MGAT4C: variants seen among roughly 807,000 people sequenced by gnomAD.
The protein encoded by MGAT4C is alpha-1,3-mannosyl-glycoprotein 4-beta-N-acetylglucosaminyltransferase C.
In MGAT4C, 19 loss-of-function variants were observed where a neutral mutation model predicts 40.1. The observed-to-expected ratio is 0.47, with a 90% confidence interval of 0.33 to 0.70. The LOEUF is 0.70. MGAT4C is among the 30% of genes least tolerant of loss of function. The pLI is 0.02. For synonymous variants in MGAT4C, 181 were observed against 187.1 expected (o/e 0.97, Z 0.27); for missense variants, 491 against 563.2 (o/e 0.87, Z 1.30).
chr12:86,457,593 A>G (rs1373891619), intron 2 of MGAT4C, among the ~76,000 whole-genome samples: 1 of 152,092 alleles, frequency 6.6e-6, no homozygotes, highest in African/African-American at 2.4e-5. Flanking sequence ...TCATGTGGGA[A>G]GTTATTTTCA....
chr12:86,210,137 T>G (rs917633495), intron 1 of MGAT4C, among the ~76,000 whole-genome samples: 1 of 152,192 alleles, frequency 6.6e-6, no homozygotes, highest in Non-Finnish European at 1.5e-5. Flanking sequence ...AACATGCTTT[T>G]TGAATCGTGG....
intron 4 of MGAT4C, among the ~76,000 whole-genome samples, chr12:86,274,363 A>C (rs917443193): frequency 6.6e-6 from 1 of 152,244 alleles, no homozygotes; most frequent in Non-Finnish European, 1.5e-5. Context: ...TAAAAAGTGG[A>C]TATCATCTAA....
rs1882785172 is a variant in MGAT4C, at chr12:85,956,232, T to G, written c.*23057A>C. 6.6e-6 allele frequency: 1 copy of G among 152,232 alleles called. No homozygotes were observed. Among genetic ancestry groups the G allele is most frequent in the Admixed American group, 6.5e-5 (1 of 15,282 alleles). The allele number at this position is 152,232 out of a possible 1,614,324, so 9.4% of individuals were successfully genotyped here. A position where few individuals can be genotyped will look rare whatever the true frequency, so the allele number is the denominator to read the frequency against. On this transcript the variant is annotated 3_prime_UTR_variant, in exon 5 of 5. Transcript: ENST00000611864. ...TTTTCCTGAAAACCCTGTCTTTTACTATGCAAACATGCAAGCATCAGATTT... is the reference window on the plus strand; with the variant it reads ...TTTTCCTGAAAACCCTGTCTTTTACGATGCAAACATGCAAGCATCAGATTT...
chr12:86,516,984 C>T (rs1404647517), intron 2 of MGAT4C, among the ~76,000 whole-genome samples: 4 of 152,020 alleles, frequency 2.6e-5, no homozygotes, highest in East Asian at 1.9e-4. Flanking sequence ...ACAAATCAAA[C>T]CACAATGAGA....
chr12:86,451,482 A>G (rs1957424505), intron 2 of MGAT4C, among the ~76,000 whole-genome samples: 1 of 152,138 alleles, frequency 6.6e-6, no homozygotes, highest in African/African-American at 2.4e-5. Context: ...CTCCTTTTGT[A>G]GATTTTTTTC....
chr12:86,809,627 T>C (rs1307202761), intron 1 of MGAT4C, among the ~76,000 whole-genome samples: 1 of 152,046 alleles, frequency 6.6e-6, no homozygotes, highest in Non-Finnish European at 1.5e-5. Flanking sequence ...TCCTGCTGCA[T>C]AATAATGTTG....
At chr12:86,221,624 G>A (rs1950879555) in intron 1 of MGAT4C, among the ~76,000 whole-genome samples, 1 of 152,162 alleles carries the variant, frequency 6.6e-6, no homozygotes, top group South Asian at 2.1e-4. Flanking sequence ...GTATATTCTT[G>A]TAACAAGTAG....
intron 2 of MGAT4C, among the ~76,000 whole-genome samples, chr12:86,014,289 A>T (rs898331195): frequency 1.3e-5 from 2 of 152,120 alleles, no homozygotes; most frequent in Admixed American, 6.5e-5. Flanking sequence ...TGAAGCATCA[A>T]CCCCTAAACC....
chr12:86,303,499 C>G (rs1459899842), intron 4 of MGAT4C, among the ~76,000 whole-genome samples: 1 of 149,222 alleles, frequency 6.7e-6, no homozygotes, highest in Non-Finnish European at 1.5e-5. Context: ...TCTTATACAG[C>G]TGGGATTTTA....
chr12:86,444,573 A>G (rs1233111311), intron 2 of MGAT4C, among the ~76,000 whole-genome samples: 3 of 152,210 alleles, frequency 2.0e-5, no homozygotes. Flanking sequence ...AAAATAGAAC[A>G]ATTGACTCTA....
rs200006829 is a variant in MGAT4C at position 86,456,115 on chromosome 12, G to A, written c.-228-20850C>T. 1.4e-4 allele frequency among the ~76,000 whole-genome samples: 22 copies of A among 151,984 alleles called. 1 individual carries two copies. In the East Asian group the frequency reaches 3.3e-3, roughly 23 times the overall value. ...CTCATTAAGGTAATTACAAATAAAC[G>A]TTTGTTTTATTTAATTTATTGAGGA... On this transcript the variant is annotated intron_variant, in intron 2 of 7. Coordinates refer to the MGAT4C transcript ENST00000548651.
intron 2 of MGAT4C, among the ~76,000 whole-genome samples, chr12:86,624,970 G>C (rs1365806593): frequency 3.9e-5 from 6 of 152,044 alleles, no homozygotes; most frequent in Non-Finnish European, 8.8e-5. Flanking sequence ...CACGTGTCCA[G>C]GGAGGGATCT....
In MGAT4C at chr12:86,501,629, A is replaced by G. The variant is rs377250195; in HGVS notation, c.-228-66364T>C. ...CTGTTCCTGCATTAGTTTGCTGAGC[A>G]TAATGGCTCTCAGGTTCATCCATGT... On this transcript the variant is annotated intron_variant, in intron 2 of 7. Coordinates refer to the MGAT4C transcript ENST00000548651. Among the ~76,000 whole-genome samples, 550 of 152,168 alleles carry G rather than the reference A, an allele frequency of 3.6e-3. 1 individual carries two copies. The highest frequency in any genetic ancestry group is 0.013 in the African/African-American group (525 of 41,534).
intron 2 of MGAT4C, among the ~76,000 whole-genome samples, chr12:86,609,456 TA>T (rs1188962340): frequency 6.6e-6 from 1 of 151,916 alleles, no homozygotes; most frequent in East Asian, 1.9e-4. Context: ...AAGTATTTTT[TA>T]AAAAGTAAAA....
intron 2 of MGAT4C, among the ~76,000 whole-genome samples, chr12:86,529,569 T>G (rs371543257): frequency 6.6e-6 from 1 of 152,066 alleles, no homozygotes; most frequent in South Asian, 2.1e-4. Context: ...CTGCCAAACT[T>G]ATTTTAAATG....
chr12:86,238,157 T>C (rs1212115566), intron 1 of MGAT4C, among the ~76,000 whole-genome samples: 1 of 151,916 alleles, frequency 6.6e-6, no homozygotes, highest in Non-Finnish European at 1.5e-5. Flanking sequence ...TGTTCTCCAG[T>C]GGAGTCACTA....
chr12:86,612,676 G>T (rs117308635), intron 2 of MGAT4C, among the ~76,000 whole-genome samples: 2 of 150,004 alleles, frequency 1.3e-5, no homozygotes, highest in Non-Finnish European at 3.0e-5. Context: ...GGAAGCGAAG[G>T]CTGCAGTGAG....
intron 2 of MGAT4C, among the ~76,000 whole-genome samples, chr12:86,516,162 A>G (rs1958684370): frequency 6.6e-6 from 1 of 152,260 alleles, no homozygotes; most frequent in African/African-American, 2.4e-5. Flanking sequence ...AACAATCTTG[A>G]AAATAAAAGA....
At chr12:86,102,051 A>G (rs1875184558) in intron 1 of MGAT4C, among the ~76,000 whole-genome samples, 1 of 151,972 alleles carries the variant, frequency 6.6e-6, no homozygotes, top group Non-Finnish European at 1.5e-5. Context: ...GAGAAGAGAA[A>G]TAAAATAAAT....
Sources: allele counts gnomAD v4.1 joint callset (sites outside exome capture counted in the v4.1 genomes callset), GRCh38; gene constraint gnomAD v4.1.1; transcripts MANE v1.5; gene names NCBI Gene and HGNC (gene_info 2026-07-23, HGNC 2026-07-21).